Variants in KCNIP4 observed in about 807,000 individuals in gnomAD.
The protein encoded by KCNIP4 is potassium voltage-gated channel interacting protein 4.
KCNIP4 carries 12 observed loss-of-function variants against 34.0 expected under a neutral mutation model. That is an observed-to-expected ratio of 0.35 (90% confidence interval 0.23 to 0.57). KCNIP4 has a LOEUF of 0.57. Among genes scored for constraint, KCNIP4 ranks in the 20% least tolerant of loss-of-function variants. The pLI is 0.83. For missense variants in KCNIP4, 238 were observed against 311.7 expected, an observed-to-expected ratio of 0.76 and a Z score of 1.78; for synonymous variants, 124 against 102.2, an observed-to-expected ratio of 1.21 and a Z score of -1.29.
At chr4:21,944,309 C>T (rs1483074991) in intron 1 of KCNIP4, among the ~76,000 whole-genome samples, 1 of 151,674 alleles carries the variant, frequency 6.6e-6, no homozygotes, top group Admixed American at 6.6e-5. Flanking sequence ...TTTGGGAGGC[C>T]GAGGCAGGAG....
intron 1 of KCNIP4, among the ~76,000 whole-genome samples, chr4:21,152,363 A>G (rs1752818276): frequency 6.6e-6 from 1 of 152,206 alleles, no homozygotes; most frequent in Admixed American, 6.5e-5. Flanking sequence ...ATGTGTCTAT[A>G]TTCACTATCT....
intron 3 of KCNIP4, among the ~76,000 whole-genome samples, chr4:20,773,738 T>G (rs1480122393): frequency 2.0e-5 from 3 of 152,212 alleles, no homozygotes; most frequent in Non-Finnish European, 4.4e-5. Flanking sequence ...GGTGACAGCC[T>G]CATTCCTACA....
intron 2 of KCNIP4, among the ~76,000 whole-genome samples, chr4:20,880,447 A>G (rs898827333): frequency 5.9e-5 from 9 of 152,294 alleles, no homozygotes; most frequent in African/African-American, 1.7e-4. Context: ...TTAGTATTTA[A>G]AGTGATTCTG....
chr4:21,489,992 T>C (rs16871195), intron 1 of KCNIP4, among the ~76,000 whole-genome samples: 5,753 of 152,248 alleles, frequency 0.038, 327 homozygotes, highest in African/African-American at 0.12. Context: ...TAATTTACTT[T>C]TTGCATAATG....
rs1027103716 is a variant in KCNIP4 at position 21,236,202 on chromosome 4, T to C, written c.62-353493A>G. On this transcript the variant is annotated intron_variant, in intron 1 of 8. Coordinates refer to ENST00000382152, the MANE Select transcript of KCNIP4 (RefSeq NM_025221.6). ...ATACTTTAATGGTCTTAATTTTGCA[T>C]TTTATCCCTACTCCCTAAACTTTTT... Among the ~76,000 whole-genome samples, 7 of 152,246 alleles carry C rather than the reference T, an allele frequency of 4.6e-5. No homozygotes were observed. The South Asian group carries it at 6.2e-4, about 14-fold the overall frequency.
intron 1 of KCNIP4, among the ~76,000 whole-genome samples, chr4:20,918,995 T>C (rs1729120963): frequency 6.6e-6 from 1 of 152,192 alleles, no homozygotes; most frequent in South Asian, 2.1e-4. Flanking sequence ...CATCCAGGTA[T>C]AAAGGCCCAA....
intron 1 of KCNIP4, among the ~76,000 whole-genome samples, chr4:21,313,283 G>A (rs1045206297): frequency 9.9e-5 from 15 of 152,018 alleles, no homozygotes; most frequent in East Asian, 1.9e-4. Flanking sequence ...TCCAAATATC[G>A]TCTCCTCCAA....
In KCNIP4 at chr4:21,426,594, G is replaced by A. The variant is rs143989594; in HGVS notation, c.61+521977C>T. Among the ~76,000 whole-genome samples the A allele has an allele frequency of 6.0e-3, 910 of 152,130 alleles. 12 individuals carry two copies. The highest frequency in any genetic ancestry group is 0.021 in the African/African-American group (862 of 41,502). ...CCCTTTCCGAGGAGTATGTAAACAT[G>A]TAACTTCTTTAGGTTAAATGGAGAA... On this transcript the variant is annotated intron_variant, in intron 1 of 8. Transcript: ENST00000382152.
intron 3 of KCNIP4, among the ~76,000 whole-genome samples, chr4:20,821,173 C>A (rs1717062916): frequency 6.6e-6 from 1 of 152,200 alleles, no homozygotes; most frequent in Non-Finnish European, 1.5e-5. Context: ...TCCCAACCCC[C>A]ACTCAGTATG....
At chr4:20,758,288 G>A (rs898614691) in intron 4 of KCNIP4, among the ~76,000 whole-genome samples, 4 of 152,018 alleles carry the variant, frequency 2.6e-5, no homozygotes, top group Admixed American at 2.0e-4. Flanking sequence ...TCAGATGAGG[G>A]AGCACAGTAA....
In KCNIP4 at chr4:21,022,014, T is replaced by A. The variant is rs528014390; in HGVS notation, c.62-139305A>T. 8.5e-5 allele frequency among the ~76,000 whole-genome samples: 13 copies of A among 152,214 alleles called. No homozygotes were observed. In the East Asian group the frequency reaches 2.5e-3, roughly 29 times the overall value. On this transcript the variant is annotated intron_variant, in intron 1 of 8. Coordinates refer to ENST00000382152, the MANE Select transcript of KCNIP4 (RefSeq NM_025221.6). ...GATCAGACTGGCAGCACAGTAGGTT[T>A]TTTTACACCAACATCACCAAAAACA...
At chr4:20,947,400 CTCATG>C (rs1732299588) in intron 1 of KCNIP4, among the ~76,000 whole-genome samples, 1 of 152,040 alleles carries the variant, frequency 6.6e-6, no homozygotes, top group African/African-American at 2.4e-5. Flanking sequence ...AACTCCTGCC[CTCATG>C]TGGTCCACCT....
chr4:21,133,314 G>T (rs1191923183), intron 1 of KCNIP4, among the ~76,000 whole-genome samples: 2 of 152,180 alleles, frequency 1.3e-5, no homozygotes, highest in Non-Finnish European at 2.9e-5. Flanking sequence ...TTCAACAAAT[G>T]ATGGAGAGAG....
intron 1 of KCNIP4, among the ~76,000 whole-genome samples, chr4:21,584,611 AG>A (rs1208227570): frequency 6.6e-6 from 1 of 152,108 alleles, no homozygotes; most frequent in East Asian, 1.9e-4. Flanking sequence ...ATAACCAATT[AG>A]CTGGCATTAT....
intron 1 of KCNIP4, among the ~76,000 whole-genome samples, chr4:21,173,426 A>G (rs1296678282): frequency 6.6e-6 from 1 of 152,126 alleles, no homozygotes; most frequent in Admixed American, 6.5e-5. Context: ...GAAATAACAA[A>G]GCGATGAGAG....
intron 1 of KCNIP4, among the ~76,000 whole-genome samples, chr4:21,418,503 A>G (rs1350101421): frequency 6.6e-6 from 1 of 152,084 alleles, no homozygotes; most frequent in African/African-American, 2.4e-5. Context: ...TTTCAAAAAA[A>G]GAAAAAATAA....
chr4:21,609,226 A>T (rs1743964901), intron 1 of KCNIP4, among the ~76,000 whole-genome samples: 1 of 152,176 alleles, frequency 6.6e-6, no homozygotes, highest in Non-Finnish European at 1.5e-5. Flanking sequence ...AGAAAAATAA[A>T]TTTTGAATAA....
At chr4:20,750,337 G>A (rs1753378430) in intron 4 of KCNIP4, among the ~76,000 whole-genome samples, 1 of 152,070 alleles carries the variant, frequency 6.6e-6, no homozygotes, top group Non-Finnish European at 1.5e-5. Flanking sequence ...CAGTAAAGTT[G>A]GCTGATGGAT....
intron 1 of KCNIP4, among the ~76,000 whole-genome samples, chr4:21,728,960 C>T (rs1261817752): frequency 6.6e-6 from 1 of 152,134 alleles, no homozygotes; most frequent in East Asian, 1.9e-4. Context: ...TATGATGCCA[C>T]ATATATACAC....
Sources: gnomAD v4.1 joint callset for allele counts (sites outside exome capture counted in the v4.1 genomes callset) on GRCh38, gnomAD v4.1.1 for gene constraint, MANE v1.5 for transcripts, NCBI Gene and HGNC (gene_info 2026-07-23, HGNC 2026-07-21) for gene names.